The following PROSER2 variants were observed in gnomAD, a reference collection of about 807,000 sequenced individuals.
The protein encoded by PROSER2 is proline and serine-rich protein 2.
In PROSER2, 18 loss-of-function variants were observed where a neutral mutation model predicts 14.6. The ratio of observed to expected loss-of-function variants is 1.23; its 90% CI spans 0.85 to 1.83. The LOEUF (loss-of-function observed/expected upper bound fraction) is 1.83. Among genes scored for constraint, PROSER2 ranks in the 40% most tolerant of loss-of-function variants. PROSER2 has a pLI of 0.00. For missense variants in PROSER2, 823 were observed against 629.8 expected (o/e 1.31, Z -3.28); for synonymous variants, 367 against 286.4 (o/e 1.28, Z -2.84).
intron 1 of PROSER2, among the ~76,000 whole-genome samples, chr10:11,834,757 C>T (rs370105628): frequency 2.0e-4 from 31 of 151,774 alleles, no homozygotes; most frequent in African/African-American, 6.8e-4. Context: ...ACATAAAACT[C>T]GGCCACCTTG....
intron 1 of PROSER2, among the ~76,000 whole-genome samples, chr10:11,843,851 C>CA (rs1233206645): frequency 6.0e-5 from 9 of 148,954 alleles, no homozygotes; most frequent in Admixed American, 2.7e-4. Flanking sequence ...AACTCCATCT[C>CA]AAAAAAAAGA....
intron 3 of PROSER2, among the ~76,000 whole-genome samples, chr10:11,868,206 G>A (rs1834392902): frequency 6.6e-6 from 1 of 152,210 alleles, no homozygotes; most frequent in South Asian, 2.1e-4. Flanking sequence ...ACGTAGTCAT[G>A]CCAAGGAAAA....
intron 1 of PROSER2, among the ~76,000 whole-genome samples, chr10:11,829,339 C>CT (rs1270445854): frequency 1.3e-5 from 2 of 151,360 alleles, no homozygotes; most frequent in Non-Finnish European, 2.9e-5. Flanking sequence ...AATCCCAACA[C>CT]TTTGGGAGGC....
chr10:11,829,460 T>G (rs1352960428), intron 1 of PROSER2, among the ~76,000 whole-genome samples: 1 of 151,790 alleles, frequency 6.6e-6, no homozygotes, highest in African/African-American at 2.4e-5. Flanking sequence ...AGTGTGTACC[T>G]GTAGACCCAG....
In PROSER2 at chr10:11,847,399, CTGTTTTGTTGTTT is replaced by C. The variant is rs575423381; in HGVS notation, c.-81-4585_-81-4573del. On this transcript the variant is annotated intron_variant, in intron 1 of 3. Coordinates refer to ENST00000277570, the MANE Select transcript of PROSER2 (RefSeq NM_153256.4). Reference sequence around the variant, plus strand: ...CAGTGGCTGGTTTTTAGTCCTTATTCTGTTTTGTTGTTTTGTTTTGTTGTTGTTGTTGTTTTGA... The same window carrying C: ...CAGTGGCTGGTTTTTAGTCCTTATTCTGTTTTGTTGTTGTTGTTGTTTTGA... 2.1e-3 allele frequency among the ~76,000 whole-genome samples: 323 copies of C among 152,170 alleles called. 1 individual carries two copies. The highest frequency in any genetic ancestry group is 7.4e-3 in the African/African-American group (306 of 41,530).
chr10:11,829,862 T>TTA (rs1412938410), intron 1 of PROSER2, among the ~76,000 whole-genome samples: 4 of 132,446 alleles, frequency 3.0e-5, no homozygotes, highest in African/African-American at 5.7e-5. Flanking sequence ...TTTTTTTTTT[T>TTA]AGACCAAGTC....
At chr10:11,864,463 T>C (rs1030518620) in intron 2 of PROSER2, among the ~76,000 whole-genome samples, 17 of 152,228 alleles carry the variant, frequency 1.1e-4, no homozygotes, top group African/African-American at 4.1e-4. Flanking sequence ...CTTTATTTTT[T>C]CTGAACCATT....
chr10:11,831,940 CAG>C (rs1429993067), intron 1 of PROSER2: 7 of 152,092 alleles, frequency 4.6e-5, no homozygotes, highest in African/African-American at 1.4e-4. Flanking sequence ...CTATTCACAA[CAG>C]AGACAGTTTG....
In PROSER2 at chr10:11,865,927, C is replaced by G. The variant is rs765133870; in HGVS notation, c.139-604C>G. On this transcript the variant is annotated intron_variant, in intron 2 of 3. Coordinates refer to ENST00000277570, the MANE Select transcript of PROSER2 (RefSeq NM_153256.4). The surrounding 1 kb of genome is among the most constrained non-coding windows in gnomAD (Gnocchi z 4.2). ...GGGCCTGAGCTTCTGGGCAGTTCTT[C>G]GGGATGCAGCAGGTGGGTCACTGGC... 1.3e-5 allele frequency among the ~76,000 whole-genome samples: 2 copies of G among 152,164 alleles called. No homozygotes were observed. The highest frequency in any genetic ancestry group is 6.5e-5 in the Admixed American group (1 of 15,280).
At chr10:11,867,972 AAG>A (rs1834388236) in intron 3 of PROSER2, among the ~76,000 whole-genome samples, 6 of 152,196 alleles carry the variant, frequency 3.9e-5, no homozygotes, top group Non-Finnish European at 8.8e-5. Flanking sequence ...ACTAGAAATA[AAG>A]TGTGTACACG....
chr10:11,845,457 CTCTG>C (rs1324051945), intron 1 of PROSER2, among the ~76,000 whole-genome samples: 1 of 149,524 alleles, frequency 6.7e-6, no homozygotes, highest in Non-Finnish European at 1.5e-5. Context: ...ATCAGAATTC[CTCTG>C]TCTGTGACTT....
rs1465454884 is a variant in PROSER2 at position 11,870,497 on chromosome 10, T to C, written c.*91T>C. 31 of 1,142,230 alleles carry C rather than the reference T, an allele frequency of 2.7e-5. 1 individual carries two copies. Among genetic ancestry groups the C allele is most frequent in the Non-Finnish European group, 3.4e-5 (29 of 852,906 alleles). The allele number at this position is 1,142,230 out of a possible 1,614,324, so 70.8% of individuals were successfully genotyped here. A position where few individuals can be genotyped will look rare whatever the true frequency, so the allele number is the denominator to read the frequency against. On this transcript the variant is annotated 3_prime_UTR_variant, in exon 4 of 4. Coordinates refer to ENST00000277570, the MANE Select transcript of PROSER2 (RefSeq NM_153256.4). Reference sequence around the variant, plus strand: ...CACCCAGGAGCTGTTTGGTCTAAAATGGAAGTGACAGCGGGAGCCCCTGCC... The same window carrying C: ...CACCCAGGAGCTGTTTGGTCTAAAACGGAAGTGACAGCGGGAGCCCCTGCC...
intron 1 of PROSER2, among the ~76,000 whole-genome samples, chr10:11,826,100 A>G (rs1833608487): frequency 6.6e-6 from 1 of 152,082 alleles, no homozygotes; most frequent in Non-Finnish European, 1.5e-5. Context: ...CCCCTTCTGG[A>G]TGTTTATACA....
At position 11,837,619 on chromosome 10, in the gene PROSER2, T is replaced by C. The variant is rs192119392; in HGVS notation, c.-82+14149T>C. On this transcript the variant is annotated intron_variant, in intron 1 of 3. Transcript: ENST00000277570. This position sits in a 1 kb window ranked among gnomAD's most constrained non-coding sequence, Gnocchi z 4.6. ...TAAGCAAGATTGGTTCTACATCACT[T>C]GGTTAAGGGGAATAATTTTTCCATT... 3.5e-4 allele frequency among the ~76,000 whole-genome samples: 53 copies of C among 152,322 alleles called. No homozygotes were observed. In the East Asian group the frequency reaches 9.1e-3, roughly 26 times the overall value.
In PROSER2 at chr10:11,823,793, C is replaced by A. The variant is rs1833573948; in HGVS notation, c.-82+323C>A. ...TGGAGGCGGGTTTCCCAGCCTTGGG[C>A]GCAGAGGGTCCCCGCTGTCCCCACC... On this transcript the variant is annotated intron_variant, in intron 1 of 3. Transcript: ENST00000277570. This position sits in a 1 kb window ranked among gnomAD's most constrained non-coding sequence, Gnocchi z 6.2. 6.6e-6 allele frequency among the ~76,000 whole-genome samples: 1 copy of A among 152,128 alleles called. No homozygotes were observed. Among genetic ancestry groups the A allele is most frequent in the Non-Finnish European group, 1.5e-5 (1 of 67,988 alleles).
chr10:11,848,118 G>A (rs184192425), intron 1 of PROSER2, among the ~76,000 whole-genome samples: 2 of 152,238 alleles, frequency 1.3e-5, no homozygotes, highest in Admixed American at 1.3e-4. Context: ...CTGTCAAAGT[G>A]GGAGTGTGCC....
intron 1 of PROSER2, among the ~76,000 whole-genome samples, chr10:11,828,476 C>T (rs1275434789): frequency 6.6e-6 from 1 of 151,940 alleles, no homozygotes; most frequent in Non-Finnish European, 1.5e-5. Context: ...CCAAGGCAGG[C>T]GGATCACCTG....
chr10:11,844,906 G>GCCA (rs1415094586), intron 1 of PROSER2, among the ~76,000 whole-genome samples: 1 of 152,226 alleles, frequency 6.6e-6, no homozygotes, highest in Admixed American at 6.5e-5. Context: ...ACAGGCATAA[G>GCCA]CCACCACTCC....
intron 1 of PROSER2, among the ~76,000 whole-genome samples, chr10:11,835,311 G>A (rs1220629049): frequency 1.3e-5 from 2 of 152,032 alleles, no homozygotes; most frequent in Admixed American, 6.6e-5. Flanking sequence ...GGTGGGGACA[G>A]GGATGACATG....
Sources: gnomAD v4.1 joint callset for allele counts (sites outside exome capture counted in the v4.1 genomes callset) on GRCh38, gnomAD v4.1.1 for gene constraint, Gnocchi (gnomAD v3.1) non-coding constraint, MANE v1.5 for transcripts, NCBI Gene and HGNC (gene_info 2026-07-23, HGNC 2026-07-21) for gene names.